ALK: variants seen among roughly 807,000 people sequenced by gnomAD.
ALK encodes the protein ALK tyrosine kinase receptor.
ALK carries 74 observed loss-of-function variants against 163.1 expected under a neutral mutation model. The ratio of observed to expected loss-of-function variants is 0.45; its 90% CI spans 0.38 to 0.55. The LOEUF (loss-of-function observed/expected upper bound fraction) is 0.55. Among genes scored for constraint, ALK ranks in the 20% least tolerant of loss-of-function variants. The pLI, the probability that ALK is intolerant of heterozygous loss-of-function variation, is 0.00. For missense variants in ALK, 2,063 were observed against 2,105.3 expected (o/e 0.98, Z 0.39); for synonymous variants, 960 against 843.2 (o/e 1.14, Z -2.40).
At chr2:29,273,953 C>A (rs969821570) in intron 11 of ALK, among the ~76,000 whole-genome samples, 7 of 152,092 alleles carry the variant, frequency 4.6e-5, no homozygotes, top group African/African-American at 1.4e-4. Context: ...GAGAGAGCTG[C>A]AGTTTTGTAG....
In ALK at chr2:29,227,099, T is replaced by C. The variant is rs2148178813; in HGVS notation, c.2915-25A>G. ...ACTAGTGACAAGGAGGGAGGGTCAG[T>C]CTTGGGCCGAGCCTGCCTCCCCACT... On this transcript the variant is annotated intron_variant, in intron 17 of 28. Transcript: ENST00000389048. The surrounding 1 kb of genome is among the most constrained non-coding windows in gnomAD (Gnocchi z 4.4). 6.2e-7 allele frequency: 1 copy of C among 1,613,904 alleles called. No individual in the cohort carries two copies. The highest frequency in any genetic ancestry group is 8.5e-7 in the Non-Finnish European group (1 of 1,179,968).
Position 29,920,570 on chromosome 2 carries a change from G to A in ALK, c.90C>T (p.Gly30=), listed in dbSNP as rs1391059611. The change falls in exon 1 of 29, where the codon GGC becomes GGT. Residue 30 remains glycine (G), a synonymous_variant. Transcript: ENST00000389048. ...GCAGCGGCGGCCCCGCAGCTGGGGA[G>A]CCCGCGCGCTGGCCGGTCCCCATCC... The part of the protein sequence containing the change: ...GSGMGTGQRA[G]SPAAGPPLQP... The A allele has an allele frequency of 5.7e-6, 9 of 1,591,352 alleles. No homozygotes were observed. The African/African-American group carries it at 1.2e-4, about 21-fold the overall frequency.
At chr2:29,560,902 A>AT (rs35764149) in intron 3 of ALK, among the ~76,000 whole-genome samples, 1,741 of 146,894 alleles carry the variant, frequency 0.012, 16 homozygotes, top group African/African-American at 0.029. Context: ...AAAATTATTG[A>AT]TTTTTTTTTT....
At chr2:29,288,999 T>TAAATAAAG (rs1398262103) in intron 9 of ALK, among the ~76,000 whole-genome samples, 3 of 124,260 alleles carry the variant, frequency 2.4e-5, no homozygotes, top group African/African-American at 5.5e-5. Context: ...AATAAATAAA[T>TAAATAAAG]AAAAGAAAAT....
At chr2:29,625,347 A>C (rs978962436) in intron 3 of ALK, among the ~76,000 whole-genome samples, 1 of 152,210 alleles carries the variant, frequency 6.6e-6, no homozygotes, top group African/African-American at 2.4e-5. Flanking sequence ...AGGAGTGCAC[A>C]CATGCATAGT....
intron 4 of ALK, among the ~76,000 whole-genome samples, chr2:29,450,410 G>A (rs74743072): frequency 0.013 from 2,049 of 152,244 alleles, 24 homozygotes; most frequent in African/African-American, 0.029. Context: ...CAATTCCAGG[G>A]CACAGGGCTG....
At chr2:29,543,651 C>T (rs1673473316) in intron 3 of ALK, among the ~76,000 whole-genome samples, 1 of 152,142 alleles carries the variant, frequency 6.6e-6, no homozygotes, top group Non-Finnish European at 1.5e-5. Context: ...TTCTTCTTTA[C>T]CTTCATCCTT....
intron 1 of ALK, among the ~76,000 whole-genome samples, chr2:29,731,669 G>A (rs1679746014): frequency 6.6e-6 from 1 of 152,150 alleles, no homozygotes; most frequent in Admixed American, 6.5e-5. Context: ...ACCTCTGGAT[G>A]GAAAATGAAA....
At chr2:29,275,021 C>A in intron 11 of ALK, 78 bp downstream of exon 11, 2 of 1,587,924 alleles carry the variant, frequency 1.3e-6, no homozygotes, top group South Asian at 2.2e-5. Context: ...GCTCCCCACC[C>A]TAAAGACAGC....
At chr2:29,624,806 C>T (rs1416035958) in intron 3 of ALK, among the ~76,000 whole-genome samples, 1 of 152,198 alleles carries the variant, frequency 6.6e-6, no homozygotes, top group Non-Finnish European at 1.5e-5. Context: ...ATTCCCTCTG[C>T]AATTCCCAAA....
At chr2:29,674,975 G>C (rs1677829530) in intron 3 of ALK, among the ~76,000 whole-genome samples, 1 of 149,114 alleles carries the variant, frequency 6.7e-6, no homozygotes, top group Non-Finnish European at 1.5e-5. Flanking sequence ...GGTGTTTGTA[G>C]TATTCTCTGA....
At chr2:29,323,141 G>T (rs1667125774) in intron 6 of ALK, among the ~76,000 whole-genome samples, 1 of 152,170 alleles carries the variant, frequency 6.6e-6, no homozygotes, top group Non-Finnish European at 1.5e-5. Context: ...TGTAAAATGG[G>T]GCAGTATTAG....
At chr2:29,775,732 T>C (rs1681157955) in intron 1 of ALK, among the ~76,000 whole-genome samples, 3 of 152,224 alleles carry the variant, frequency 2.0e-5, no homozygotes, top group Admixed American at 1.3e-4. Flanking sequence ...GGGATAGTAA[T>C]TGTACCTGTC....
At chr2:29,525,145 C>T (rs1672923644) in intron 4 of ALK, among the ~76,000 whole-genome samples, 2 of 152,168 alleles carry the variant, frequency 1.3e-5, no homozygotes, top group South Asian at 2.1e-4. Context: ...AGACCAGTGA[C>T]ATTCATGACC....
intron 9 of ALK, among the ~76,000 whole-genome samples, chr2:29,282,008 G>A (rs1368635236): frequency 6.6e-6 from 1 of 152,218 alleles, no homozygotes; most frequent in Non-Finnish European, 1.5e-5. Context: ...TGTGGATGGA[G>A]GGAATGGCGA....
At position 29,528,164 on chromosome 2, in the gene ALK, A is replaced by G. The variant is rs578075877; in HGVS notation, c.1154+3751T>C. Among the ~76,000 whole-genome samples, 30 of 152,148 alleles carry G rather than the reference A, an allele frequency of 2.0e-4. 1 individual carries two copies. The South Asian group carries it at 6.0e-3, about 31-fold the overall frequency. On this transcript the variant is annotated intron_variant, in intron 4 of 28. Transcript: ENST00000389048. ...TGAGGCCCAATTCTTCCCTCCACAC[A>G]CTGTGTAGTTCTGGTCATACATAAT...
chr2:29,911,474 C>A (rs1667700787), intron 1 of ALK, among the ~76,000 whole-genome samples: 1 of 152,202 alleles, frequency 6.6e-6, no homozygotes, highest in South Asian at 2.1e-4. Flanking sequence ...CATCTCTCTG[C>A]TGTCATCTCT....
At chr2:29,371,497 A>G (rs1427992445) in intron 5 of ALK, among the ~76,000 whole-genome samples, 1 of 152,162 alleles carries the variant, frequency 6.6e-6, no homozygotes, top group Admixed American at 6.5e-5. Context: ...ATCTTCAGCT[A>G]AAGGTTCAGT....
intron 3 of ALK, among the ~76,000 whole-genome samples, chr2:29,538,518 C>A (rs1673323170): frequency 1.3e-5 from 2 of 152,156 alleles, no homozygotes; most frequent in African/African-American, 4.8e-5. Context: ...GAAACAGATG[C>A]CATTGCCTTG....
Sources: gnomAD v4.1 joint callset for allele counts (sites outside exome capture counted in the v4.1 genomes callset) on GRCh38, gnomAD v4.1.1 for gene constraint, Gnocchi (gnomAD v3.1) non-coding constraint, MANE v1.5 for transcripts, NCBI Gene and HGNC (gene_info 2026-07-23, HGNC 2026-07-21) for gene names.